The following NLRP4 variants were observed in gnomAD, a reference collection of about 807,000 sequenced individuals.
The protein encoded by NLRP4 is NACHT, LRR and PYD domains-containing protein 4.
In NLRP4, 44 loss-of-function variants were observed where a neutral mutation model predicts 84.7. That is an observed-to-expected ratio of 0.52 (90% confidence interval 0.41 to 0.67). The LOEUF (loss-of-function observed/expected upper bound fraction) is 0.67. Among genes scored for constraint, NLRP4 ranks in the 30% least tolerant of loss-of-function variants. The pLI is 0.00. For synonymous variants in NLRP4, 544 were observed against 476.4 expected, an observed-to-expected ratio of 1.14 and a Z score of -1.85; for missense variants, 1,260 against 1,219.4, an observed-to-expected ratio of 1.03 and a Z score of -0.50.
Position 55,881,625 on chromosome 19 carries a change from A to C in NLRP4, c.*38A>C. On this transcript the variant is annotated 3_prime_UTR_variant, in exon 10 of 10. Coordinates refer to ENST00000301295, the MANE Select transcript of NLRP4 (RefSeq NM_134444.5). ...TGGGCTCTGACTCGAACACCTGCAA[A>C]GGACAGGGACTGGGACCGTTACTTA... 1.0e-6 allele frequency: 1 copy of C among 984,936 alleles called. No homozygotes were observed. Among genetic ancestry groups the C allele is most frequent in the Non-Finnish European group, 1.6e-6 (1 of 613,966 alleles). 61.0% of individuals were successfully genotyped at this position (984,936 alleles called of 1,614,324 possible).
chr19:55,848,685 A>C (rs1330561039), intron 1 of NLRP4, among the ~76,000 whole-genome samples: 3 of 152,190 alleles, frequency 2.0e-5, no homozygotes, highest in Non-Finnish European at 2.9e-5. Context: ...TACAGGCGTG[A>C]GCCACCATGC....
Position 55,861,561 on chromosome 19 carries a change from C to T in NLRP4, c.2018+14C>T, listed in dbSNP as rs747301515. 6.2e-6 allele frequency: 10 copies of T among 1,611,188 alleles called. No individual in the cohort carries two copies. Among genetic ancestry groups the T allele is most frequent in the Admixed American group, 5.0e-5 (3 of 59,852 alleles). On this transcript the variant is annotated intron_variant, in intron 4 of 9. Coordinates refer to ENST00000301295, the MANE Select transcript of NLRP4 (RefSeq NM_134444.5). ...TCAGAAGCTTGGGTGAGTTGAGAAT[C>T]GACTTCGACTCGAGTATGTCACGGA...
chr19:55,857,280 G>A (rs1481270777), intron 2 of NLRP4, among the ~76,000 whole-genome samples: 1 of 151,472 alleles, frequency 6.6e-6, no homozygotes, highest in East Asian at 1.9e-4. Context: ...GTGTGTGTGT[G>A]TCTATTGAAA....
At chr19:55,873,664 A>G (rs1225141992) in intron 7 of NLRP4, among the ~76,000 whole-genome samples, 2 of 152,148 alleles carry the variant, frequency 1.3e-5, no homozygotes, top group Admixed American at 1.3e-4. Flanking sequence ...AAAGGATAGA[A>G]AAAAAGACCA....
Position 55,871,537 on chromosome 19 carries a change from C to A in NLRP4, c.2525+540C>A, listed in dbSNP as rs191834553. On this transcript the variant is annotated intron_variant, in intron 7 of 9. Transcript: ENST00000301295. ...AATATCTGGGTAACCCCTGTAGCGGCGGTGGCAGTGTTTTTAGAATTACCA... is the reference window on the plus strand; with the variant it reads ...AATATCTGGGTAACCCCTGTAGCGGAGGTGGCAGTGTTTTTAGAATTACCA... Among the ~76,000 whole-genome samples, 17 of 152,264 alleles carry A rather than the reference C, an allele frequency of 1.1e-4. No individual in the cohort carries two copies. The South Asian group carries it at 2.5e-3, about 22-fold the overall frequency.
intron 2 of NLRP4, among the ~76,000 whole-genome samples, chr19:55,852,869 A>C (rs2123020568): frequency 6.6e-6 from 1 of 152,296 alleles, no homozygotes; most frequent in East Asian, 1.9e-4. Flanking sequence ...CCTAACCTGT[A>C]TTGTACCTTT....
chr19:55,871,199 T>C (rs960504921), intron 7 of NLRP4, among the ~76,000 whole-genome samples: 3 of 152,154 alleles, frequency 2.0e-5, no homozygotes, highest in African/African-American at 7.2e-5. Context: ...GGATTTAATA[T>C]GTTGCAAAGA....
chr19:55,846,039 T>C (rs1983780960), intron 1 of NLRP4, among the ~76,000 whole-genome samples: 1 of 152,230 alleles, frequency 6.6e-6, no homozygotes, highest in South Asian at 2.1e-4. Context: ...TAGATCCCAT[T>C]TGTCAATTTT....
intron 1 of NLRP4, among the ~76,000 whole-genome samples, chr19:55,850,192 T>A (rs867932537): frequency 4.9e-4 from 42 of 85,900 alleles, no homozygotes; most frequent in Middle Eastern, 8.3e-3. Context: ...GTAATTTCCG[T>A]GGCTGCGGTG....
At chr19:55,870,619 C>T (rs953978884) in intron 6 of NLRP4, among the ~76,000 whole-genome samples, 31 of 152,134 alleles carry the variant, frequency 2.0e-4, no homozygotes, top group African/African-American at 5.8e-4. Context: ...GCCAAGATCG[C>T]GCCGTTGCAT....
chr19:55,852,560 T>G (rs1390620462), intron 2 of NLRP4, among the ~76,000 whole-genome samples, 200 bp downstream of exon 2: 1 of 142,822 alleles, frequency 7.0e-6, no homozygotes, highest in African/African-American at 2.6e-5. Context: ...CACCGCAACC[T>G]CCACCTCCCA....
chr19:55,866,661 T>A (rs1017115624), intron 5 of NLRP4, among the ~76,000 whole-genome samples: 1 of 152,106 alleles, frequency 6.6e-6, no homozygotes, highest in African/African-American at 2.4e-5. Flanking sequence ...TGAGGAGATA[T>A]TACTTGAGCA....
At chr19:55,847,261 C>G (rs1983834186) in intron 1 of NLRP4, among the ~76,000 whole-genome samples, 1 of 152,150 alleles carries the variant, frequency 6.6e-6, no homozygotes, top group Non-Finnish European at 1.5e-5. Flanking sequence ...CTATTGATCT[C>G]TAATTTCATT....
At chr19:55,837,441 C>A (rs1249961038) in intron 1 of NLRP4, among the ~76,000 whole-genome samples, 3 of 152,126 alleles carry the variant, frequency 2.0e-5, no homozygotes, top group African/African-American at 7.2e-5. Context: ...CCTATTCCTA[C>A]CTACAGGTGT....
intron 1 of NLRP4, among the ~76,000 whole-genome samples, chr19:55,841,279 C>T (rs74409186): frequency 4.5e-4 from 69 of 152,256 alleles, no homozygotes; most frequent in African/African-American, 1.4e-3. Flanking sequence ...CCTGGTCTCC[C>T]GTTACTCTCC....
At chr19:55,841,046 G>A (rs975361514) in intron 1 of NLRP4, among the ~76,000 whole-genome samples, 1 of 152,102 alleles carries the variant, frequency 6.6e-6, no homozygotes, top group African/African-American at 2.4e-5. Context: ...ATATTTATGG[G>A]ATACAGTGTG....
At chr19:55,880,143 T>C (rs932194028) in intron 9 of NLRP4, among the ~76,000 whole-genome samples, 5 of 149,954 alleles carry the variant, frequency 3.3e-5, no homozygotes, top group South Asian at 2.1e-4. Flanking sequence ...AAAACTGTTA[T>C]AACTCTAACG....
intron 1 of NLRP4, among the ~76,000 whole-genome samples, chr19:55,847,465 TTGA>T (rs1407645420): frequency 6.6e-6 from 1 of 152,200 alleles, no homozygotes; most frequent in Non-Finnish European, 1.5e-5. Context: ...ATAAAATGTG[TTGA>T]TTTTTATATA....
At chr19:55,842,120 C>T (rs142147699) in intron 1 of NLRP4, among the ~76,000 whole-genome samples, 106 of 152,296 alleles carry the variant, frequency 7.0e-4, no homozygotes, top group African/African-American at 1.1e-3. Context: ...GCCATTCTAA[C>T]GGGGTGAGTT....
Sources: gnomAD v4.1 joint callset for allele counts (sites outside exome capture counted in the v4.1 genomes callset) on GRCh38, gnomAD v4.1.1 for gene constraint, MANE v1.5 for transcripts, NCBI Gene and HGNC (gene_info 2026-07-23, HGNC 2026-07-21) for gene names.